The following SIL1 variants were observed in gnomAD, a reference collection of about 807,000 sequenced individuals.
The protein encoded by SIL1 is nucleotide exchange factor SIL1.
In SIL1, 40 loss-of-function variants were observed where a neutral mutation model predicts 49.1. The observed-to-expected ratio is 0.81, with a 90% CI of 0.63 to 1.06. The LOEUF is 1.06. Among genes scored for constraint, SIL1 ranks in the 50% least tolerant of loss-of-function variants. The pLI is 0.00. For missense variants in SIL1, 500 were observed against 572.6 expected, an observed-to-expected ratio of 0.87 and a Z score of 1.29; for synonymous variants, 253 against 250.8, an observed-to-expected ratio of 1.01 and a Z score of -0.08.
chr5:139,055,977 AT>A (rs1769409373), intron 3 of SIL1, among the ~76,000 whole-genome samples: 1 of 151,860 alleles, frequency 6.6e-6, no homozygotes, highest in Non-Finnish European at 1.5e-5. Context: ...TCAGTGCTCA[AT>A]GGTGCCCAGG....
intron 4 of SIL1, among the ~76,000 whole-genome samples, chr5:139,046,813 T>C (rs1204921996): frequency 6.6e-6 from 1 of 152,206 alleles, no homozygotes; most frequent in Non-Finnish European, 1.5e-5. Flanking sequence ...ATCAGCCACA[T>C]TGGTTCCTTT....
At chr5:138,987,654 C>T (rs1374173028) in intron 7 of SIL1, among the ~76,000 whole-genome samples, 1 of 152,142 alleles carries the variant, frequency 6.6e-6, no homozygotes, top group Non-Finnish European at 1.5e-5. Flanking sequence ...ATTAAAGTGA[C>T]TGCCCTGGCA....
chr5:138,983,437 G>A (rs1215602304), intron 7 of SIL1, among the ~76,000 whole-genome samples: 6 of 151,564 alleles, frequency 4.0e-5, no homozygotes, highest in Admixed American at 1.3e-4. Flanking sequence ...GAACCCGGGC[G>A]GAGGAGCTTG....
chr5:138,963,521 A>C (rs961312463), intron 7 of SIL1, among the ~76,000 whole-genome samples: 7 of 152,222 alleles, frequency 4.6e-5, no homozygotes, highest in Admixed American at 2.0e-4. Flanking sequence ...TATAGCTGAA[A>C]ATGACAACAC....
intron 3 of SIL1, among the ~76,000 whole-genome samples, chr5:139,058,410 A>G (rs1769505726): frequency 6.6e-6 from 1 of 151,914 alleles, no homozygotes; most frequent in African/African-American, 2.4e-5. Context: ...CCATCCCTTG[A>G]CTCTAAAAAC....
intron 7 of SIL1, among the ~76,000 whole-genome samples, chr5:138,996,513 ATTTTTTTT>A (rs140943492): frequency 3.3e-5 from 3 of 89,890 alleles, no homozygotes; most frequent in Non-Finnish European, 6.0e-5. Context: ...TGCTGTGCAG[ATTTTTTTT>A]TTTTTTTTTT....
At chr5:139,000,161 G>T (rs1309719846) in intron 7 of SIL1, among the ~76,000 whole-genome samples, 1 of 152,090 alleles carries the variant, frequency 6.6e-6, no homozygotes, top group Non-Finnish European at 1.5e-5. Context: ...TTTGTTGAGG[G>T]TGTTTATCAT....
intron 7 of SIL1, among the ~76,000 whole-genome samples, chr5:138,982,417 A>G (rs2150399994): frequency 6.6e-6 from 1 of 152,370 alleles, no homozygotes; most frequent in East Asian, 1.9e-4. Context: ...AATAAATTGG[A>G]AAACAAACAG....
intron 3 of SIL1, among the ~76,000 whole-genome samples, chr5:139,119,128 T>G (rs1448603263): frequency 6.6e-6 from 1 of 152,206 alleles, no homozygotes. Context: ...CAGAGGGTGA[T>G]GCCAATGAAA....
rs182007130 is a variant in SIL1, at chr5:138,975,304, G to A, written c.768-23420C>T. Among the ~76,000 whole-genome samples the A allele has an allele frequency of 7.9e-5, 12 of 152,198 alleles. 1 individual carries two copies. The highest frequency in any genetic ancestry group is 2.4e-4 in the African/African-American group (10 of 41,536). On this transcript the variant is annotated intron_variant, in intron 7 of 9. Coordinates refer to ENST00000394817, the MANE Select transcript of SIL1 (RefSeq NM_022464.5). Reference sequence around the variant, plus strand: ...AGCTCAGCCTTCTCTCATGATCAAAGACTCAAAAATGAAACCACTGTCCTC... The same window carrying A: ...AGCTCAGCCTTCTCTCATGATCAAAAACTCAAAAATGAAACCACTGTCCTC...
At chr5:138,978,246 C>G (rs1767436115) in intron 7 of SIL1, among the ~76,000 whole-genome samples, 1 of 150,016 alleles carries the variant, frequency 6.7e-6, no homozygotes, top group Admixed American at 6.7e-5. Context: ...CAGCACTAGG[C>G]CCTACAGATT....
In SIL1 at chr5:139,122,656, T is replaced by A. The variant is rs538543497; in HGVS notation, c.106-1483A>T. On this transcript the variant is annotated intron_variant, in intron 2 of 9. Transcript: ENST00000394817. ...TCCCTCCTGCCTGGGTCCCTCAATG[T>A]CTGATCTTTAGTTGTCGAGGAAAAG... is the stretch of plus-strand genomic sequence containing the variant. Among the ~76,000 whole-genome samples the A allele has an allele frequency of 1.8e-4, 27 of 151,864 alleles. No homozygotes were observed. In the South Asian group the frequency reaches 5.6e-3, roughly 32 times the overall value.
At chr5:139,120,917 C>T in intron 3 of SIL1, 118 bp downstream of exon 3, 3 of 1,287,932 alleles carry the variant, frequency 2.3e-6, no homozygotes, top group South Asian at 2.6e-5. Context: ...ACGGACCATG[C>T]TGTTTCCCTC....
chr5:139,155,477 G>GAGAGAGAGAGAGAGAGAGAGAGA (rs765537884), intron 1 of SIL1: 14 of 151,666 alleles, frequency 9.2e-5, no homozygotes, highest in Middle Eastern at 6.9e-3. Context: ...GAGAGAGAGA[G>GAGAGAGAGAGAGAGAGAGAGAGA]AACGAGCTCT....
chr5:139,126,163 C>G (rs1750748905), intron 2 of SIL1, among the ~76,000 whole-genome samples: 1 of 152,240 alleles, frequency 6.6e-6, no homozygotes, highest in Non-Finnish European at 1.5e-5. Flanking sequence ...GATGCTTCAA[C>G]TCCTACTTGT....
chr5:138,995,250 C>CT (rs55923125), intron 7 of SIL1, among the ~76,000 whole-genome samples: 63,328 of 145,964 alleles, frequency 0.43, 14,611 homozygotes, highest in African/African-American at 0.64. Flanking sequence ...AAATATTCAT[C>CT]TTTTTTTTTT....
chr5:139,086,762 C>T (rs959433384), intron 3 of SIL1, among the ~76,000 whole-genome samples: 1 of 151,610 alleles, frequency 6.6e-6, no homozygotes, highest in African/African-American at 2.4e-5. Context: ...GTGTTCGAGA[C>T]CAGCCTGGCC....
intron 3 of SIL1, among the ~76,000 whole-genome samples, chr5:139,093,108 T>C (rs988767083): frequency 6.6e-6 from 1 of 152,092 alleles, no homozygotes; most frequent in Non-Finnish European, 1.5e-5. Context: ...CCAGGCAACA[T>C]AGCAACACTC....
At chr5:138,959,635 T>C (rs1489118173) in intron 7 of SIL1, among the ~76,000 whole-genome samples, 1 of 152,216 alleles carries the variant, frequency 6.6e-6, no homozygotes, top group Non-Finnish European at 1.5e-5. Flanking sequence ...CTCACGGGAT[T>C]CTGCAGTCAT....
Sources: allele counts gnomAD v4.1 joint callset (sites outside exome capture counted in the v4.1 genomes callset), GRCh38; gene constraint gnomAD v4.1.1; transcripts MANE v1.5; gene names NCBI Gene and HGNC (gene_info 2026-07-23, HGNC 2026-07-21).